The following EXOC6 variants were observed in gnomAD, a reference collection of about 807,000 sequenced individuals.
The protein encoded by EXOC6 is exocyst complex component 6.
Under a neutral mutation model 112.5 loss-of-function variants are expected in EXOC6, and 60 were observed. That is an observed-to-expected ratio of 0.53 (90% CI 0.43 to 0.66). EXOC6 has a LOEUF of 0.66. EXOC6 is among the 30% of genes least tolerant of loss of function. EXOC6 has a pLI of 0.00. For missense variants in EXOC6, 855 were observed against 957.1 expected, an observed-to-expected ratio of 0.89 and a Z score of 1.41; for synonymous variants, 295 against 308.0, an observed-to-expected ratio of 0.96 and a Z score of 0.44.
chr10:92,876,500 T>C (rs1210128570), intron 1 of EXOC6, among the ~76,000 whole-genome samples: 1 of 152,198 alleles, frequency 6.6e-6, no homozygotes, highest in Non-Finnish European at 1.5e-5. Flanking sequence ...CCTACACTTT[T>C]AATCACTGTG....
chr10:92,829,162 C>T (rs1846432557), intron 1 of EXOC6, among the ~76,000 whole-genome samples: 1 of 152,098 alleles, frequency 6.6e-6, no homozygotes. Context: ...AGGGAGCAGA[C>T]AACATGGGGC....
intron 8 of EXOC6, among the ~76,000 whole-genome samples, chr10:92,920,534 A>C (rs1251747345): frequency 6.6e-6 from 1 of 151,966 alleles, no homozygotes; most frequent in African/African-American, 2.4e-5. Context: ...CACCCCTCCA[A>C]CCACCCCCAA....
At chr10:93,032,824 T>C (rs1845331352) in intron 20 of EXOC6, among the ~76,000 whole-genome samples, 1 of 152,158 alleles carries the variant, frequency 6.6e-6, no homozygotes, top group South Asian at 2.1e-4. Flanking sequence ...TGATAGTGAC[T>C]GGAGGTGAGG....
intron 17 of EXOC6, among the ~76,000 whole-genome samples, chr10:92,972,814 T>C (rs929582057): frequency 4.6e-5 from 7 of 152,228 alleles, no homozygotes; most frequent in Admixed American, 3.3e-4. Flanking sequence ...TTTATTTCTG[T>C]CTTGCACAGA....
At chr10:92,862,654 A>G (rs908627129) in intron 1 of EXOC6, among the ~76,000 whole-genome samples, 1 of 152,198 alleles carries the variant, frequency 6.6e-6, no homozygotes, top group Admixed American at 6.5e-5. Context: ...ATAGCAGTCC[A>G]TATGGACTGC....
intron 12 of EXOC6, 98 bp from the exon 13 acceptor site, chr10:92,940,629 T>C (rs1391993941): frequency 5.4e-6 from 4 of 739,276 alleles, no homozygotes; most frequent in African/African-American, 5.4e-5. Context: ...CAATGGGATC[T>C]AGTGATTCCT....
intron 1 of EXOC6, among the ~76,000 whole-genome samples, chr10:92,872,345 T>C (rs952680169): frequency 2.0e-5 from 3 of 152,070 alleles, no homozygotes; most frequent in African/African-American, 4.8e-5. Context: ...TTTTATTACA[T>C]TATAGTTAGA....
intron 1 of EXOC6, among the ~76,000 whole-genome samples, chr10:92,864,291 A>G (rs1015949754): frequency 6.6e-6 from 1 of 152,208 alleles, no homozygotes; most frequent in Non-Finnish European, 1.5e-5. Context: ...AGTTTGTAAC[A>G]TATTTCATAA....
At chr10:92,957,793 A>T (rs1271555107) in intron 17 of EXOC6, among the ~76,000 whole-genome samples, 1 of 152,206 alleles carries the variant, frequency 6.6e-6, no homozygotes, top group African/African-American at 2.4e-5. Context: ...TTAAATCAAT[A>T]TTAAAGTGAA....
intron 17 of EXOC6, among the ~76,000 whole-genome samples, chr10:92,968,452 C>T (rs888307496): frequency 1.3e-5 from 2 of 152,116 alleles, no homozygotes; most frequent in African/African-American, 4.8e-5. Flanking sequence ...TCCCAAACTG[C>T]TGGGATTATA....
At chr10:92,848,670 G>A (rs1330130974) in intron 1 of EXOC6, 36 bp downstream of exon 1, 4 of 1,303,318 alleles carry the variant, frequency 3.1e-6, no homozygotes, top group Admixed American at 5.5e-5. Context: ...TCGGCCCCCC[G>A]CCCCACGCCG....
intron 1 of EXOC6, among the ~76,000 whole-genome samples, chr10:92,857,153 C>G (rs1015049864): frequency 2.2e-5 from 3 of 138,866 alleles, no homozygotes; most frequent in African/African-American, 8.1e-5. Context: ...TTCTATGTCT[C>G]ATTTCTTTCT....
intron 20 of EXOC6, among the ~76,000 whole-genome samples, chr10:93,049,053 T>C (rs1846147016): frequency 6.6e-6 from 1 of 151,820 alleles, no homozygotes. Context: ...TAAATGTTAA[T>C]AGCAGCATTT....
chr10:93,054,338 T>C (rs1421108868), intron 20 of EXOC6, among the ~76,000 whole-genome samples: 1 of 152,224 alleles, frequency 6.6e-6, no homozygotes, highest in African/African-American at 2.4e-5. Context: ...ATTGGCTTTT[T>C]TGTCTGCTTT....
intron 18 of EXOC6, among the ~76,000 whole-genome samples, chr10:92,975,727 G>A (rs1161044844): frequency 3.1e-5 from 4 of 127,522 alleles, no homozygotes; most frequent in South Asian, 2.6e-4. Context: ...CAGCCGCCCC[G>A]TCCGGGAGGG....
intron 5 of EXOC6, among the ~76,000 whole-genome samples, chr10:92,902,781 C>G (rs985397505): frequency 6.6e-6 from 1 of 152,136 alleles, no homozygotes; most frequent in African/African-American, 2.4e-5. Context: ...CCTCCCTTCT[C>G]TAGAAATAAC....
In EXOC6 at chr10:92,906,096, G is replaced by A. The variant is rs545904855; in HGVS notation, c.459-3331G>A. On this transcript the variant is annotated intron_variant, in intron 5 of 21. Coordinates refer to ENST00000260762, the MANE Select transcript of EXOC6 (RefSeq NM_019053.6). The stretch of plus-strand genomic sequence containing the variant: ...ACCATTTTATCATTATGTAATGTTC[G>A]TTATCCCTAATAATTTTCCTTGCTC... 9.2e-5 allele frequency among the ~76,000 whole-genome samples: 14 copies of A among 152,098 alleles called. No individual in the cohort carries two copies. The South Asian group carries it at 2.1e-3, about 23-fold the overall frequency.
chr10:92,850,594 TA>T (rs1402796143), intron 1 of EXOC6, among the ~76,000 whole-genome samples: 1 of 152,194 alleles, frequency 6.6e-6, no homozygotes, highest in Non-Finnish European at 1.5e-5. Flanking sequence ...TTTAAATGTT[TA>T]AAAAAGTAAA....
chr10:92,958,811 T>A (rs1354886768), intron 17 of EXOC6, among the ~76,000 whole-genome samples: 1 of 152,120 alleles, frequency 6.6e-6, no homozygotes, highest in African/African-American at 2.4e-5. Flanking sequence ...GCTGTAGTAA[T>A]GAGGCTGGGT....
Sources: allele counts gnomAD v4.1 joint callset (sites outside exome capture counted in the v4.1 genomes callset), GRCh38; gene constraint gnomAD v4.1.1; transcripts MANE v1.5; gene names NCBI Gene and HGNC (gene_info 2026-07-23, HGNC 2026-07-21).